TM7SF3: variants seen among roughly 807,000 people sequenced by gnomAD.
The protein encoded by TM7SF3 is transmembrane 7 superfamily member 3.
Under a neutral mutation model 65.5 loss-of-function variants are expected in TM7SF3, and 60 were observed. The observed-to-expected ratio is 0.92, with a 90% CI of 0.74 to 1.14. The LOEUF (loss-of-function observed/expected upper bound fraction) is 1.14. TM7SF3 is among the 50% of genes most tolerant of loss of function. The pLI, the probability that TM7SF3 is intolerant of heterozygous loss-of-function variation, is 0.00. For synonymous variants in TM7SF3, 264 were observed against 259.6 expected (o/e 1.02, Z -0.16); for missense variants, 623 against 684.8 (o/e 0.91, Z 1.01).
At chr12:26,991,567 T>A (rs1442360498) in intron 5 of TM7SF3, among the ~76,000 whole-genome samples, 1 of 152,330 alleles carries the variant, frequency 6.6e-6, no homozygotes, top group African/African-American at 2.4e-5. Flanking sequence ...TATTAGGGTT[T>A]TAGGAGAAAA....
chr12:26,992,203 T>A (rs1008102044), intron 5 of TM7SF3, among the ~76,000 whole-genome samples: 2 of 152,224 alleles, frequency 1.3e-5, no homozygotes, highest in African/African-American at 4.8e-5. Flanking sequence ...CTACCTTAAA[T>A]GTGCTCAGAA....
chr12:27,008,183 T>G (rs1472637092), intron 1 of TM7SF3, among the ~76,000 whole-genome samples: 1 of 152,132 alleles, frequency 6.6e-6, no homozygotes, highest in Non-Finnish European at 1.5e-5. Context: ...TAGGAAAGTG[T>G]TCCAATTGCC....
At chr12:26,986,068 T>G (rs1940084508) in intron 6 of TM7SF3, among the ~76,000 whole-genome samples, 1 of 151,754 alleles carries the variant, frequency 6.6e-6, no homozygotes, top group African/African-American at 2.4e-5. Context: ...GACCTCGTGA[T>G]CCGCCCGCCT....
At chr12:26,975,322 T>TC (rs1394047778) in intron 11 of TM7SF3, among the ~76,000 whole-genome samples, 174 bp downstream of exon 11, 2 of 152,208 alleles carry the variant, frequency 1.3e-5, no homozygotes, top group Non-Finnish European at 2.9e-5. Flanking sequence ...AATGCTTTAC[T>TC]CCCATGATCC....
intron 4 of TM7SF3, among the ~76,000 whole-genome samples, chr12:26,996,153 T>TAA (rs112843441): frequency 3.5e-5 from 5 of 143,304 alleles, no homozygotes; most frequent in African/African-American, 7.7e-5. Flanking sequence ...ATCTTTGATT[T>TAA]AAAAAAAAAA....
At chr12:27,013,978 ACCAT>A in intron 1 of TM7SF3, 96 bp downstream of exon 1, 1 of 1,008,094 alleles carries the variant, frequency 9.9e-7, no homozygotes, top group Non-Finnish European at 1.5e-6. Context: ...CGCCCCCAGC[ACCAT>A]CTCCCTGCTA....
At chr12:27,000,744 C>A (rs1940798732) in intron 2 of TM7SF3, among the ~76,000 whole-genome samples, 1 of 152,186 alleles carries the variant, frequency 6.6e-6, no homozygotes, top group Non-Finnish European at 1.5e-5. Flanking sequence ...CAGGCGTGAG[C>A]CACCGTGCCC....
At chr12:26,988,880 C>T (rs2136406127) in intron 6 of TM7SF3, among the ~76,000 whole-genome samples, 1 of 152,232 alleles carries the variant, frequency 6.6e-6, no homozygotes, top group African/African-American at 2.4e-5. Context: ...CCTCCTCTTC[C>T]TCCTCCTGTT....
chr12:26,977,440 T>C (rs1363782927), intron 9 of TM7SF3, among the ~76,000 whole-genome samples: 1 of 152,234 alleles, frequency 6.6e-6, no homozygotes, highest in Non-Finnish European at 1.5e-5. Flanking sequence ...ATTTTTTAAA[T>C]GCTAATGCTT....
At chr12:26,983,463 T>G (rs1387524662) in intron 6 of TM7SF3, 8 of 400,560 alleles carry the variant, frequency 2.0e-5, no homozygotes, top group African/African-American at 1.7e-4. Context: ...GGTTCTATTT[T>G]TTAAGTGCTT....
In TM7SF3 at chr12:26,973,136, T is replaced by C. The variant is rs1234660886; in HGVS notation, c.*829A>G. 6.6e-6 allele frequency: 1 copy of C among 151,530 alleles called. No homozygotes were observed. The highest frequency in any genetic ancestry group is 2.4e-5 in the African/African-American group (1 of 41,282). 9.4% of individuals were successfully genotyped at this position (151,530 alleles called of 1,614,324 possible). A position where few individuals can be genotyped will look rare whatever the true frequency, so the allele number is the denominator to read the frequency against. ...ATAATGTATGATACTAAGAAGGGCA[T>C]GCAACTAAGTAATCAGACTGCTTTT... On this transcript the variant is annotated 3_prime_UTR_variant, in exon 12 of 12. Coordinates refer to ENST00000343028, the MANE Select transcript of TM7SF3 (RefSeq NM_016551.3).
Position 26,980,663 on chromosome 12 carries a change from C to G in TM7SF3, c.956-17G>C. ...AGAATAATTCTAAGTGGCAAACCAC[C>G]AGGAAAGGAAAAAAGCAAAACAACA... On this transcript the variant is annotated splice_polypyrimidine_tract_variant and intron_variant, in intron 7 of 11. Coordinates refer to ENST00000343028, the MANE Select transcript of TM7SF3 (RefSeq NM_016551.3). The G allele has an allele frequency of 1.4e-6, 2 of 1,445,822 alleles. No individual in the cohort carries two copies. The highest frequency in any genetic ancestry group is 1.9e-6 in the Non-Finnish European group (2 of 1,051,188). 89.6% of individuals were successfully genotyped at this position (1,445,822 alleles called of 1,614,324 possible). A position where few individuals can be genotyped will look rare whatever the true frequency, so the allele number is the denominator to read the frequency against.
At chr12:27,008,212 C>G (rs1251787711) in intron 1 of TM7SF3, among the ~76,000 whole-genome samples, 1 of 152,154 alleles carries the variant, frequency 6.6e-6, no homozygotes, top group Admixed American at 6.5e-5. Flanking sequence ...TCACCAACAC[C>G]TGGTATCATT....
At chr12:26,999,143 T>C (rs1388602524) in intron 3 of TM7SF3, among the ~76,000 whole-genome samples, 1 of 152,170 alleles carries the variant, frequency 6.6e-6, no homozygotes, top group African/African-American at 2.4e-5. Context: ...ATGCCTGCAA[T>C]CCCAGCACTT....
At chr12:27,002,892 T>C (rs970661059) in intron 2 of TM7SF3, among the ~76,000 whole-genome samples, 2 of 152,222 alleles carry the variant, frequency 1.3e-5, no homozygotes, top group African/African-American at 4.8e-5. Flanking sequence ...TAAACATATA[T>C]TCTCAGGTAA....
intron 4 of TM7SF3, 118 bp from the exon 5 acceptor site, chr12:26,995,526 A>C (rs1940554743): frequency 7.2e-6 from 8 of 1,118,376 alleles, no homozygotes. Context: ...TTAACAGTTC[A>C]CCTTTTGCAG....
intron 9 of TM7SF3, among the ~76,000 whole-genome samples, chr12:26,977,209 C>T (rs1027576304): frequency 1.3e-5 from 2 of 152,168 alleles, no homozygotes; most frequent in Admixed American, 6.5e-5. Context: ...CAGCAATATG[C>T]CATTGAGGTG....
intron 2 of TM7SF3, among the ~76,000 whole-genome samples, chr12:27,000,699 T>C (rs1479267506): frequency 6.6e-6 from 1 of 152,152 alleles, no homozygotes; most frequent in Admixed American, 6.5e-5. Flanking sequence ...GACCTCGTGA[T>C]CCGCCAGCAT....
rs35983225 is a variant in TM7SF3 at position 27,014,304 on chromosome 12, C to G, written c.-136G>C. On this transcript the variant is annotated 5_prime_UTR_variant, in exon 1 of 12. Transcript: ENST00000343028. ...CATCGCCCGCCAGGTGCAGACGCTT[C>G]GCACCTGCCAGCTCCGCAGCCGCCG... 2 of 609,414 alleles carry G rather than the reference C, an allele frequency of 3.3e-6. No individual in the cohort carries two copies. The highest frequency in any genetic ancestry group is 7.5e-5 in the East Asian group (2 of 26,766). 37.8% of individuals were successfully genotyped at this position (609,414 alleles called of 1,614,324 possible).
Sources: gnomAD v4.1 joint callset for allele counts (sites outside exome capture counted in the v4.1 genomes callset) on GRCh38, gnomAD v4.1.1 for gene constraint, MANE v1.5 for transcripts, NCBI Gene and HGNC (gene_info 2026-07-23, HGNC 2026-07-21) for gene names.